The following PALLD variants were observed in gnomAD, a reference collection of about 807,000 sequenced individuals.
PALLD encodes the protein palladin, cytoskeletal associated protein.
In PALLD, 61 loss-of-function variants were observed where a neutral mutation model predicts 123.5. The observed-to-expected ratio is 0.49, with a 90% CI of 0.40 to 0.61. The LOEUF is 0.61. Ranked by LOEUF, PALLD falls within the 20% of genes least tolerant of loss-of-function variation. PALLD has a pLI of 0.00. For synonymous variants in PALLD, 465 were observed against 496.4 expected, an observed-to-expected ratio of 0.94 and a Z score of 0.84; for missense variants, 1,273 against 1,377.0, an observed-to-expected ratio of 0.92 and a Z score of 1.20.
chr4:168,723,840 A>G (rs2150274255), intron 10 of PALLD, among the ~76,000 whole-genome samples: 1 of 151,020 alleles, frequency 6.6e-6, no homozygotes, highest in East Asian at 1.9e-4. Flanking sequence ...ACGTGGTAGC[A>G]CCATGATCCA....
intron 2 of PALLD, among the ~76,000 whole-genome samples, chr4:168,592,832 G>C (rs1771571598): frequency 6.6e-6 from 1 of 151,944 alleles, no homozygotes; most frequent in Non-Finnish European, 1.5e-5. Context: ...CTATTATACT[G>C]TGTGGGGCAA....
rs117920990 is a variant in PALLD, at chr4:168,501,466, C to T, written c.-83+4272C>T. Among the ~76,000 whole-genome samples, 1,193 of 152,120 alleles carry T rather than the reference C, an allele frequency of 7.8e-3. 55 individuals carry two copies. The highest frequency in any genetic ancestry group is 0.065 in the Admixed American group (994 of 15,258). On this transcript the variant is annotated intron_variant, in intron 1 of 21. Transcript: ENST00000505667. ...CCAGGGAGTTAACAAAATAGGTCAC[C>T]GTGGACATTTACCTTTGAAAGCAAT... is the stretch of plus-strand genomic sequence containing the variant.
intron 2 of PALLD, among the ~76,000 whole-genome samples, chr4:168,577,825 G>A (rs751287289): frequency 3.9e-5 from 6 of 152,044 alleles, no homozygotes; most frequent in Non-Finnish European, 7.4e-5. Flanking sequence ...GAAAGAAGAA[G>A]GGGAATGAAA....
rs771536528 is a variant in PALLD at position 168,924,958 on chromosome 4, A to C, written c.3238A>C (p.Asn1080His). The change falls in exon 20 of 22, where the codon AAC (asparagine) becomes CAC (histidine). Residue 1080 changes from asparagine (N) to histidine (H), a missense_variant. Physicochemically the swap from Asn to His is moderately conservative, Grantham distance 68 (BLOSUM62 1). Around this residue, in one of 2 missense-constraint regions of PALLD, gnomAD observed 329 missense variants for 422.5 expected, o/e 0.78. Coordinates refer to ENST00000505667, the MANE Select transcript of PALLD (RefSeq NM_001166108.2). ...STDRVSMHQD[N>H]HGYICLLIQG... is the part of the protein sequence containing the mutation. The stretch of plus-strand genomic sequence containing the variant: ...CCTTTTCTCCAGCATGCACCAGGAC[A>C]ACCACGGCTACATCTGCCTGCTCAT... 1.2e-5 allele frequency: 19 copies of C among 1,614,050 alleles called. No homozygotes were observed. Among genetic ancestry groups the C allele is most frequent in the Non-Finnish European group, 1.5e-5 (18 of 1,180,016 alleles).
chr4:168,806,901 C>A (rs1398540342), intron 10 of PALLD, among the ~76,000 whole-genome samples: 1 of 151,990 alleles, frequency 6.6e-6, no homozygotes, highest in African/African-American at 2.4e-5. Flanking sequence ...TGTGTATAAA[C>A]ATGTATATGC....
chr4:168,916,485 T>G (rs1460461993), intron 17 of PALLD, among the ~76,000 whole-genome samples: 2 of 79,630 alleles, frequency 2.5e-5, no homozygotes, highest in Non-Finnish European at 6.3e-5. Context: ...TTTACTATGA[T>G]TCTTTAAATC....
chr4:168,631,189 A>C (rs1775765236), intron 2 of PALLD, among the ~76,000 whole-genome samples: 2 of 152,204 alleles, frequency 1.3e-5, no homozygotes, highest in Non-Finnish European at 2.9e-5. Flanking sequence ...AACTCACAAG[A>C]GGTAACGCAG....
At chr4:168,511,019 G>A (rs1762479186) in intron 1 of PALLD, among the ~76,000 whole-genome samples, 1 of 152,238 alleles carries the variant, frequency 6.6e-6, no homozygotes, top group African/African-American at 2.4e-5. Context: ...ATGAAAATTG[G>A]AATCCTTAAA....
At chr4:168,648,984 C>T (rs1777766205) in intron 2 of PALLD, 1 of 152,208 alleles carries the variant, frequency 6.6e-6, no homozygotes, top group Non-Finnish European at 1.5e-5. Context: ...TTTCAAGATC[C>T]AACCCAAAGA....
At position 168,558,212 on chromosome 4, in the gene PALLD, C is replaced by T. The variant is rs573972671; in HGVS notation, c.908+45800C>T. Reference sequence around the variant, plus strand: ...TTCATGTCCCATGTTTACTCATCCCCCAGCTCTGGCCCCCAAACTGCAAGT... The same window carrying T: ...TTCATGTCCCATGTTTACTCATCCCTCAGCTCTGGCCCCCAAACTGCAAGT... On this transcript the variant is annotated intron_variant, in intron 2 of 21. Transcript: ENST00000505667. Among the ~76,000 whole-genome samples the T allele has an allele frequency of 1.4e-3, 216 of 152,302 alleles. 2 individuals are homozygous for T. The highest frequency in any genetic ancestry group is 4.3e-3 in the Admixed American group (66 of 15,300).
At chr4:168,901,071 G>GT (rs1364829538) in intron 14 of PALLD, among the ~76,000 whole-genome samples, 1 of 152,072 alleles carries the variant, frequency 6.6e-6, no homozygotes, top group Non-Finnish European at 1.5e-5. Context: ...GGACTTAATT[G>GT]TTTAAACTTT....
chr4:168,717,654 C>T (rs1785492412), intron 10 of PALLD, among the ~76,000 whole-genome samples: 1 of 152,094 alleles, frequency 6.6e-6, no homozygotes, highest in South Asian at 2.1e-4. Context: ...CCTGGCTGAT[C>T]TGCCTTTCAC....
intron 2 of PALLD, among the ~76,000 whole-genome samples, chr4:168,625,809 G>A (rs1354008169): frequency 6.6e-6 from 1 of 152,106 alleles, no homozygotes; most frequent in Non-Finnish European, 1.5e-5. Flanking sequence ...CATGCGCCCT[G>A]TTGGTGGAAA....
intron 8 of PALLD, among the ~76,000 whole-genome samples, chr4:168,705,488 A>G (rs998773691): frequency 4.2e-4 from 64 of 152,040 alleles, no homozygotes; most frequent in Middle Eastern, 3.4e-3. Flanking sequence ...CATTTAACCC[A>G]CCTTCTGCTC....
At chr4:168,891,126 A>T in intron 11 of PALLD, 69 bp downstream of exon 11, 1 of 1,464,532 alleles carries the variant, frequency 6.8e-7, no homozygotes, top group Non-Finnish European at 9.6e-7. Context: ...TTTCTCTAAG[A>T]CTTAGGTTCT....
chr4:168,530,707 A>T (rs1368219906), intron 2 of PALLD: 3 of 145,428 alleles, frequency 2.1e-5, no homozygotes, highest in Admixed American at 2.0e-4. Context: ...GATGGTCTGA[A>T]AGGAGACAGA....
At chr4:168,843,775 G>T (rs112938089) in intron 10 of PALLD, among the ~76,000 whole-genome samples, 1 of 152,146 alleles carries the variant, frequency 6.6e-6, no homozygotes, top group African/African-American at 2.4e-5. Context: ...TGTCAGCCAA[G>T]GATGGCAAGC....
intron 10 of PALLD, among the ~76,000 whole-genome samples, chr4:168,749,651 C>G (rs1730773516): frequency 1.3e-5 from 2 of 152,084 alleles, no homozygotes; most frequent in Non-Finnish European, 2.9e-5. Context: ...TTGCAGTGAG[C>G]CGAGATCATG....
chr4:168,738,507 T>C (rs1787983881), intron 10 of PALLD, among the ~76,000 whole-genome samples: 2 of 151,578 alleles, frequency 1.3e-5, no homozygotes, highest in African/African-American at 2.4e-5. Flanking sequence ...CTTGACTCAC[T>C]GCAACCTCCG....
Sources: allele counts gnomAD v4.1 joint callset (sites outside exome capture counted in the v4.1 genomes callset), GRCh38; gene constraint gnomAD v4.1.1; regional missense constraint gnomAD v4.1.1; transcripts MANE v1.5; gene names NCBI Gene and HGNC (gene_info 2026-07-23, HGNC 2026-07-21).